The following LRRC7 variants were observed in gnomAD, a reference collection of about 807,000 sequenced individuals.
LRRC7 encodes the protein leucine rich repeat containing 7.
A neutral mutation model predicts 175.7 loss-of-function variants in LRRC7; 23 were observed. That is an observed-to-expected ratio of 0.13 (90% CI 0.09 to 0.19). The LOEUF (loss-of-function observed/expected upper bound fraction) is 0.19, where lower values mean the gene tolerates loss of function less well. Ranked by LOEUF, LRRC7 falls within the 10% of genes least tolerant of loss-of-function variation. LRRC7 has a pLI of 1.00. For missense variants in LRRC7, 1,354 were observed against 1,904.7 expected (o/e 0.71, Z 5.38); for synonymous variants, 685 against 680.9 (o/e 1.01, Z -0.09).
intron 1 of LRRC7, among the ~76,000 whole-genome samples, chr1:69,634,941 G>T (rs551945342): frequency 2.6e-5 from 4 of 152,172 alleles, no homozygotes; most frequent in African/African-American, 9.6e-5. Flanking sequence ...AAAATTGCTT[G>T]TTTAAACTTT....
At chr1:69,716,574 A>C (rs1665372497) in intron 2 of LRRC7, among the ~76,000 whole-genome samples, 1 of 151,904 alleles carries the variant, frequency 6.6e-6, no homozygotes, top group Non-Finnish European at 1.5e-5. Context: ...ATGTAAATGC[A>C]TTGATTCCTC....
chr1:69,712,660 T>G, intron 2 of LRRC7, among the ~76,000 whole-genome samples: 1 of 152,190 alleles, frequency 6.6e-6, no homozygotes, highest in African/African-American at 2.4e-5. Flanking sequence ...TATTCTGGTC[T>G]CTATTATAAC....
chr1:69,694,903 T>C (rs1392975241), intron 2 of LRRC7, among the ~76,000 whole-genome samples: 1 of 152,146 alleles, frequency 6.6e-6, no homozygotes, highest in African/African-American at 2.4e-5. Context: ...ACTTATTTTC[T>C]TTATAAATTA....
At chr1:69,670,910 G>A (rs12026446) in intron 1 of LRRC7, among the ~76,000 whole-genome samples, 9,484 of 152,144 alleles carry the variant, frequency 0.062, 312 homozygotes, top group South Asian at 0.1. Context: ...TCGGGGCAGC[G>A]GGCTTCCTTT....
At chr1:69,979,098 A>G (rs921382240) in intron 8 of LRRC7, among the ~76,000 whole-genome samples, 2 of 152,204 alleles carry the variant, frequency 1.3e-5, no homozygotes, top group Non-Finnish European at 2.9e-5. Flanking sequence ...GCAATAAGCA[A>G]TAGTGTTTTC....
rs112820304 is a variant in LRRC7 at position 69,888,771 on chromosome 1, T to TG, written c.648-42731dup. 1.5e-3 allele frequency among the ~76,000 whole-genome samples: 220 copies of TG among 151,278 alleles called. 1 individual carries two copies. Among genetic ancestry groups the TG allele is most frequent in the African/African-American group, 5.0e-3 (207 of 41,290 alleles). ...AGTAGAACAGTGGTTACCAGCTGTT[T>TG]GGGGGTAGGGAAGATGGGGAGATGT... On this transcript the variant is annotated intron_variant, in intron 7 of 26. Transcript: ENST00000651989.
In LRRC7 at chr1:70,125,136, A is replaced by T. The variant is rs1027124286; in HGVS notation, c.*3249A>T. Among the ~76,000 whole-genome samples, 5 of 152,266 alleles carry T rather than the reference A, an allele frequency of 3.3e-5. No individual in the cohort carries two copies. Among genetic ancestry groups the T allele is most frequent in the Admixed American group, 6.5e-5 (1 of 15,292 alleles). ...AGTGCATTTTTGACAAGGAATATTC[A>T]AAGTCAGTATGAAATAAAACATTAT... is the stretch of plus-strand genomic sequence containing the variant. On this transcript the variant is annotated 3_prime_UTR_variant, in exon 27 of 27. Transcript: ENST00000651989.
At chr1:69,577,390 C>T (rs1344738968) in intron 1 of LRRC7, among the ~76,000 whole-genome samples, 1 of 152,096 alleles carries the variant, frequency 6.6e-6, no homozygotes, top group Non-Finnish European at 1.5e-5. Context: ...TTAATTAGAT[C>T]CCATTTGTCA....
At chr1:69,747,798 A>G (rs537524156) in intron 2 of LRRC7, among the ~76,000 whole-genome samples, 7 of 144,396 alleles carry the variant, frequency 4.8e-5, no homozygotes, top group African/African-American at 1.7e-4. Context: ...GACTAACAGT[A>G]AAAAAAAAAT....
chr1:69,834,914 G>A (rs1680936286), intron 6 of LRRC7, 45 bp downstream of exon 6: 5 of 1,486,084 alleles, frequency 3.4e-6, no homozygotes, highest in African/African-American at 2.8e-5. Context: ...CTCACCTTAG[G>A]TAAGTGCTTT....
intron 1 of LRRC7, among the ~76,000 whole-genome samples, chr1:69,617,574 CAG>C (rs1649860932): frequency 2.1e-5 from 1 of 47,344 alleles, no homozygotes; most frequent in South Asian, 6.1e-4. Flanking sequence ...AAAAAAAAAT[CAG>C]AACTACTCTG....
intron 7 of LRRC7, among the ~76,000 whole-genome samples, chr1:69,867,015 G>A (rs1416935264): frequency 6.6e-6 from 1 of 152,026 alleles, no homozygotes; most frequent in African/African-American, 2.4e-5. Flanking sequence ...AAATAAACTA[G>A]CAAAGTCTCT....
intron 7 of LRRC7, among the ~76,000 whole-genome samples, chr1:69,864,090 C>G (rs1019996679): frequency 6.6e-6 from 1 of 152,134 alleles, no homozygotes; most frequent in Admixed American, 6.5e-5. Context: ...GGAAGAAAAG[C>G]TCTTTCAGAA....
chr1:70,061,224 G>A lies in LRRC7; in HGVS notation c.4230+8079G>A, dbSNP rs559892163. Among the ~76,000 whole-genome samples the A allele has an allele frequency of 1.2e-3, 177 of 152,104 alleles. 1 individual carries two copies. Among genetic ancestry groups the A allele is most frequent in the South Asian group, 1.7e-3 (8 of 4,804 alleles). On this transcript the variant is annotated intron_variant, in intron 23 of 26. Transcript: ENST00000651989. ...AGTTAATGTTGTTTCTGGTAGACTA[G>A]GCAGTCCCTAAAACTCAGAAACAAA...
At chr1:69,603,365 TG>T (rs1251989557) in intron 1 of LRRC7, among the ~76,000 whole-genome samples, 4 of 152,234 alleles carry the variant, frequency 2.6e-5, no homozygotes, top group African/African-American at 7.2e-5. Flanking sequence ...TGGTGACATT[TG>T]GTAATGCTAA....
At chr1:70,076,736 G>T (rs113089947) in intron 24 of LRRC7, among the ~76,000 whole-genome samples, 2 of 152,232 alleles carry the variant, frequency 1.3e-5, no homozygotes, top group African/African-American at 4.8e-5. Context: ...CCTATCTTCT[G>T]ATTGTTGAAT....
At chr1:69,974,846 A>G (rs1324992860) in intron 8 of LRRC7, among the ~76,000 whole-genome samples, 2 of 152,144 alleles carry the variant, frequency 1.3e-5, no homozygotes, top group Non-Finnish European at 2.9e-5. Flanking sequence ...GGTATTTGTG[A>G]TCACCAACTC....
chr1:69,979,918 G>T (rs1201388002), intron 8 of LRRC7, among the ~76,000 whole-genome samples: 1 of 151,902 alleles, frequency 6.6e-6, no homozygotes, highest in Non-Finnish European at 1.5e-5. Context: ...TAACCCCTGT[G>T]TGTGCATGGA....
chr1:69,815,954 T>TTATG (rs1467329496), intron 4 of LRRC7, among the ~76,000 whole-genome samples: 1 of 46,374 alleles, frequency 2.2e-5, no homozygotes, highest in African/African-American at 4.5e-5. Flanking sequence ...GAACCTTTAT[T>TTATG]TATTTATTTA....
Sources: gnomAD v4.1 joint callset for allele counts (sites outside exome capture counted in the v4.1 genomes callset) on GRCh38, gnomAD v4.1.1 for gene constraint, MANE v1.5 for transcripts, NCBI Gene and HGNC (gene_info 2026-07-23, HGNC 2026-07-21) for gene names.